Variants in SH3RF2 observed in about 807,000 individuals in gnomAD.
SH3RF2 encodes the protein SH3 domain containing ring finger 2, also known as E3 ubiquitin-protein ligase SH3RF2.
In SH3RF2, 43 loss-of-function variants were observed where a neutral mutation model predicts 59.0. The observed-to-expected ratio is 0.73, with a 90% confidence interval of 0.57 to 0.94. The LOEUF is 0.94. Among genes scored for constraint, SH3RF2 ranks in the 40% least tolerant of loss-of-function variants. The probability of loss-of-function intolerance (pLI) is 0.00; values close to 1 mark genes in which losing one functional copy is unlikely to be tolerated. For missense variants in SH3RF2, 930 were observed against 940.1 expected (o/e 0.99, Z 0.14); for synonymous variants, 391 against 391.5 (o/e 1.00, Z 0.01).
intron 5 of SH3RF2, among the ~76,000 whole-genome samples, chr5:146,022,139 A>G (rs1761344557): frequency 6.6e-6 from 1 of 152,236 alleles, no homozygotes; most frequent in African/African-American, 2.4e-5. Flanking sequence ...TAGTCTCAGC[A>G]ATTATCCACT....
chr5:145,998,453 T>G (rs145646225), intron 2 of SH3RF2, among the ~76,000 whole-genome samples: 2 of 151,760 alleles, frequency 1.3e-5, no homozygotes, highest in African/African-American at 4.8e-5. Context: ...GTTTCCCTCT[T>G]TTTTTCCATT....
In SH3RF2 at chr5:145,938,183, G is replaced by T. The variant is rs773633263; in HGVS notation, c.255G>T (p.Gly85=). 1 of 1,614,018 alleles carries T rather than the reference G, an allele frequency of 6.2e-7. No individual in the cohort carries two copies. The highest frequency in any genetic ancestry group is 1.7e-5 in the Admixed American group (1 of 60,026). The change falls in exon 2 of 10, where the codon GGG becomes GGT. Residue 85 remains glycine, a synonymous_variant. Coordinates refer to ENST00000359120, the MANE Select transcript of SH3RF2 (RefSeq NM_152550.4). ...GVRSGQSSGR[G]GSFRRPGTMT... is the part of the protein sequence containing the mutation. ...GCTCAGGGCAGAGCTCCGGGAGAGG[G>T]GGCTCCTTCCGCAGGCCTGGCACGA...
intron 2 of SH3RF2, among the ~76,000 whole-genome samples, chr5:145,952,402 T>C (rs932683795): frequency 6.6e-6 from 1 of 151,812 alleles, no homozygotes; most frequent in Non-Finnish European, 1.5e-5. Context: ...AACAGCACTA[T>C]AGAAAAAAAA....
chr5:146,036,008 A>C (rs1212108585), intron 5 of SH3RF2, among the ~76,000 whole-genome samples: 1 of 152,202 alleles, frequency 6.6e-6, no homozygotes, highest in Non-Finnish European at 1.5e-5. Flanking sequence ...ACTTCAGAGA[A>C]ACTTTGCATA....
At chr5:146,058,467 G>A (rs904232571) in intron 8 of SH3RF2, among the ~76,000 whole-genome samples, 2 of 151,382 alleles carry the variant, frequency 1.3e-5, no homozygotes, top group African/African-American at 4.9e-5. Flanking sequence ...TGACTGTCTT[G>A]CTTGCAGCAG....
At chr5:146,038,757 A>G (rs1191195567) in intron 5 of SH3RF2, among the ~76,000 whole-genome samples, 2 of 152,228 alleles carry the variant, frequency 1.3e-5, no homozygotes, top group African/African-American at 4.8e-5. Flanking sequence ...TTAACCATGA[A>G]TTCAAATCCC....
chr5:146,049,306 G>T (rs1762413115), intron 7 of SH3RF2, 61 bp downstream of exon 7: 2 of 1,538,320 alleles, frequency 1.3e-6, no homozygotes, highest in Non-Finnish European at 8.8e-7. Flanking sequence ...GGGGCCATCT[G>T]TGGGTTGAAC....
chr5:146,074,789 T>A (rs2150029587), intron 9 of SH3RF2, among the ~76,000 whole-genome samples: 1 of 151,994 alleles, frequency 6.6e-6, no homozygotes, highest in Non-Finnish European at 1.5e-5. Flanking sequence ...TCTCTCTCTC[T>A]CTCTCTCTGT....
intron 2 of SH3RF2, among the ~76,000 whole-genome samples, chr5:145,975,967 A>G (rs531616445): frequency 6.6e-6 from 1 of 152,230 alleles, no homozygotes; most frequent in Non-Finnish European, 1.5e-5. Flanking sequence ...ACTCAATAAG[A>G]GATCAATGGT....
At chr5:146,005,936 A>T (rs568861632) in intron 4 of SH3RF2, among the ~76,000 whole-genome samples, 29 of 152,166 alleles carry the variant, frequency 1.9e-4, no homozygotes, top group East Asian at 1.4e-3. Context: ...GGAAAAAAAA[A>T]TTTTTAAAGA....
At position 146,010,906 on chromosome 5, in the gene SH3RF2, G is replaced by A. The variant is rs576783624; in HGVS notation, c.745-2841G>A. On this transcript the variant is annotated intron_variant, in intron 4 of 9. Coordinates refer to ENST00000359120, the MANE Select transcript of SH3RF2 (RefSeq NM_152550.4). ...TAATTAGATCCCATTTGTCAATTTTGGCTTTTGTTGCCATTGCTTTTGGTG... is the reference window on the plus strand; with the variant it reads ...TAATTAGATCCCATTTGTCAATTTTAGCTTTTGTTGCCATTGCTTTTGGTG... 6.6e-5 allele frequency among the ~76,000 whole-genome samples: 10 copies of A among 152,170 alleles called. No individual in the cohort carries two copies. In the South Asian group the frequency reaches 2.1e-3, roughly 32 times the overall value.
chr5:145,973,567 T>C (rs1449515460), intron 2 of SH3RF2, among the ~76,000 whole-genome samples: 5 of 152,226 alleles, frequency 3.3e-5, no homozygotes, highest in Non-Finnish European at 7.3e-5. Context: ...TTGGCCCATA[T>C]AGGAAGAAAG....
intron 5 of SH3RF2, among the ~76,000 whole-genome samples, chr5:146,029,254 A>T (rs967112243): frequency 1.3e-5 from 2 of 152,108 alleles, no homozygotes; most frequent in Non-Finnish European, 2.9e-5. Context: ...TGCATTTCAG[A>T]GTTTTTGTCA....
intron 5 of SH3RF2, among the ~76,000 whole-genome samples, chr5:146,021,599 ACTGGGTAAAT>A (rs776683548): frequency 3.9e-5 from 6 of 152,230 alleles, no homozygotes; most frequent in Non-Finnish European, 8.8e-5. Context: ...AAATGTACCC[ACTGGGTAAAT>A]ATAACCCCTT....
Position 146,000,216 on chromosome 5 carries a change from G to A in SH3RF2, c.537G>A (p.Val179=), listed in dbSNP as rs773881516. Reference sequence around the variant, plus strand: ...GCGGGAACTTCCCAGCCAGCTCCGTGGAAGTCATCAAGCAGCTGCCCCAGC... The same window carrying A: ...GCGGGAACTTCCCAGCCAGCTCCGTAGAAGTCATCAAGCAGCTGCCCCAGC... ...GISGNFPASS[V]EVIKQLPQPP... Residue 179 remains valine, a synonymous_variant, in exon 3 of 10, where the codon GTG becomes GTA. Transcript: ENST00000359120. The A allele has an allele frequency of 2.5e-6, 4 of 1,613,536 alleles. No individual in the cohort carries two copies. Among genetic ancestry groups the A allele is most frequent in the Admixed American group, 1.7e-5 (1 of 59,896 alleles).
At chr5:145,949,534 G>A (rs1410445076) in intron 2 of SH3RF2, among the ~76,000 whole-genome samples, 1 of 152,200 alleles carries the variant, frequency 6.6e-6, no homozygotes, top group Non-Finnish European at 1.5e-5. Flanking sequence ...GGGCAGAAGA[G>A]AAAACTTCCC....
At chr5:145,949,840 A>G (rs1484493671) in intron 2 of SH3RF2, among the ~76,000 whole-genome samples, 2 of 152,326 alleles carry the variant, frequency 1.3e-5, no homozygotes, top group Admixed American at 1.3e-4. Context: ...TTGCAGTTAA[A>G]CATATTTCTT....
At chr5:146,064,824 G>GAAAA (rs1225338169), downstream of SH3RF2, among the ~76,000 whole-genome samples, 74 of 12,038 alleles carry the variant, frequency 6.1e-3, 4 homozygotes, top group Middle Eastern at 0.33. Context: ...AAGAAAGAAA[G>GAAAA]AAAGAAAGAA....
At chr5:145,964,303 C>CTTT (rs1758772454) in intron 2 of SH3RF2, among the ~76,000 whole-genome samples, 1 of 120,574 alleles carries the variant, frequency 8.3e-6, no homozygotes, top group African/African-American at 3.6e-5. Context: ...TTCCTTCCTT[C>CTTT]CTTTCTTTCT....
Sources: gnomAD v4.1 joint callset for allele counts (sites outside exome capture counted in the v4.1 genomes callset) on GRCh38, gnomAD v4.1.1 for gene constraint, MANE v1.5 for transcripts, NCBI Gene and HGNC (gene_info 2026-07-23, HGNC 2026-07-21) for gene names.